The following PTPRN2 variants were observed in gnomAD, a reference collection of about 807,000 sequenced individuals.
PTPRN2 encodes the protein protein tyrosine phosphatase receptor type N2.
Under a neutral mutation model 118.8 loss-of-function variants are expected in PTPRN2, and 74 were observed. The observed-to-expected ratio is 0.62, with a 90% CI of 0.52 to 0.76. The LOEUF (loss-of-function observed/expected upper bound fraction) is 0.76. Among genes scored for constraint, PTPRN2 ranks in the 30% least tolerant of loss-of-function variants. The pLI is 0.00. For missense variants in PTPRN2, 1,481 were observed against 1,394.4 expected, an observed-to-expected ratio of 1.06 and a Z score of -0.99; for synonymous variants, 641 against 608.0, an observed-to-expected ratio of 1.05 and a Z score of -0.80.
chr7:157,827,062 T>G (rs1807222927), intron 12 of PTPRN2, among the ~76,000 whole-genome samples: 1 of 152,170 alleles, frequency 6.6e-6, no homozygotes, highest in Admixed American at 6.5e-5. Flanking sequence ...CTAGGTTCTC[T>G]GGTCCTAACA....
chr7:158,019,511 T>C (rs911568561), intron 11 of PTPRN2, among the ~76,000 whole-genome samples: 3 of 152,148 alleles, frequency 2.0e-5, no homozygotes, highest in Admixed American at 6.5e-5. Context: ...GGCCTCGTGA[T>C]TAACTGTTTT....
chr7:157,568,978 A>T lies in PTPRN2; in HGVS notation c.2838-12T>A, dbSNP rs1422794183. 6.4e-7 allele frequency: 1 copy of T among 1,553,172 alleles called. No homozygotes were observed. The highest frequency in any genetic ancestry group is 8.9e-7 in the Non-Finnish European group (1 of 1,125,304). On this transcript the variant is annotated splice_polypyrimidine_tract_variant and intron_variant, in intron 20 of 22. Transcript: ENST00000389418. ...GGCCTGCACCGTCACTGCCAACAGAAGGAGAGAAATGAAAGTGCTGCCGTC... is the reference window on the plus strand; with the variant it reads ...GGCCTGCACCGTCACTGCCAACAGATGGAGAGAAATGAAAGTGCTGCCGTC...
chr7:158,524,024 G>A (rs1208689246), intron 1 of PTPRN2, among the ~76,000 whole-genome samples: 11 of 56,622 alleles, frequency 1.9e-4, no homozygotes, highest in Admixed American at 6.4e-4. Flanking sequence ...GAGTGGAGTC[G>A]TCTGCCCTGG....
chr7:158,436,764 G>A lies in PTPRN2; in HGVS notation c.163+52971C>T, dbSNP rs1816600444. On this transcript the variant is annotated intron_variant, in intron 2 of 22. Coordinates refer to ENST00000389418, the MANE Select transcript of PTPRN2 (RefSeq NM_002847.5). ...ACTTCTGGTCTCCATGGTTTCTGGTGAAACAATTCATCAATAGAGATTAAT... is the reference window on the plus strand; with the variant it reads ...ACTTCTGGTCTCCATGGTTTCTGGTAAAACAATTCATCAATAGAGATTAAT... 2.0e-5 allele frequency among the ~76,000 whole-genome samples: 3 copies of A among 152,272 alleles called. No homozygotes were observed. The South Asian group carries it at 6.2e-4, about 32-fold the overall frequency.
chr7:157,721,290 T>C (rs1286799860), intron 12 of PTPRN2, among the ~76,000 whole-genome samples: 1 of 152,128 alleles, frequency 6.6e-6, no homozygotes, highest in African/African-American at 2.4e-5. Context: ...ATGTCAGGGG[T>C]GCCTGGTCTG....
chr7:157,607,741 AGTG>A (rs1802090527), intron 15 of PTPRN2, among the ~76,000 whole-genome samples: 1 of 152,188 alleles, frequency 6.6e-6, no homozygotes, highest in Non-Finnish European at 1.5e-5. Flanking sequence ...TCAGCAGACA[AGTG>A]CCAGCTGGAT....
intron 11 of PTPRN2, among the ~76,000 whole-genome samples, chr7:158,006,293 C>T (rs1347292720): frequency 6.6e-6 from 1 of 152,236 alleles, no homozygotes; most frequent in East Asian, 1.9e-4. Context: ...AATGCAAAGA[C>T]TCCATCGATT....
At chr7:158,272,237 T>C (rs1004844908) in intron 3 of PTPRN2, among the ~76,000 whole-genome samples, 1 of 152,142 alleles carries the variant, frequency 6.6e-6, no homozygotes, top group Non-Finnish European at 1.5e-5. Flanking sequence ...CCCCGGGACG[T>C]CTTGTCTTCG....
At chr7:157,755,446 T>G (rs1305987650) in intron 12 of PTPRN2, among the ~76,000 whole-genome samples, 1 of 152,154 alleles carries the variant, frequency 6.6e-6, no homozygotes, top group Non-Finnish European at 1.5e-5. Flanking sequence ...AGGTTCATGT[T>G]TACAGCTGTG....
At position 157,615,526 on chromosome 7, in the gene PTPRN2, A is replaced by G. The variant is rs1802707344; in HGVS notation, c.2344+5836T>C. 2.1e-6 allele frequency: 1 copy of G among 471,224 alleles called. No homozygotes were observed. Among genetic ancestry groups the G allele is most frequent in the Non-Finnish European group, 4.4e-6 (1 of 227,064 alleles). 29.2% of individuals were successfully genotyped at this position (471,224 alleles called of 1,614,324 possible). ...ACCTGGGGACGGCTGGGGTGACCCC[A>G]TCGCAAGGCCGGGCCGTGGAAACAA... On this transcript the variant is annotated intron_variant, in intron 15 of 22. Coordinates refer to ENST00000389418, the MANE Select transcript of PTPRN2 (RefSeq NM_002847.5). The surrounding 1 kb of genome is among the most constrained non-coding windows in gnomAD (Gnocchi z 4.3).
intron 5 of PTPRN2, among the ~76,000 whole-genome samples, chr7:158,184,904 A>G (rs908122341): frequency 2.0e-5 from 3 of 152,230 alleles, no homozygotes; most frequent in African/African-American, 7.2e-5. Context: ...AGTGGAAAGC[A>G]TTCAGCCCTT....
chr7:158,156,751 T>G (rs1821856171), intron 6 of PTPRN2, among the ~76,000 whole-genome samples: 1 of 152,382 alleles, frequency 6.6e-6, no homozygotes, highest in South Asian at 2.1e-4. Context: ...ACACCTGCCC[T>G]GTGCCCTCAG....
At chr7:158,441,081 C>G (rs368868328) in intron 2 of PTPRN2, among the ~76,000 whole-genome samples, 16 of 113,130 alleles carry the variant, frequency 1.4e-4, no homozygotes, top group South Asian at 5.8e-4. Flanking sequence ...GATGGTGGTG[C>G]TGGTGGTAGT....
chr7:157,830,499 C>A lies in PTPRN2; in HGVS notation c.1788+68174G>T, dbSNP rs374174935. ...GCTGTGGCTGGAGGCACACACATCA[C>A]CACGCGGGGAGGGGTTGACCGTGCA... On this transcript the variant is annotated intron_variant, in intron 12 of 22. Transcript: ENST00000389418. 9.0e-4 allele frequency among the ~76,000 whole-genome samples: 137 copies of A among 152,120 alleles called. 5 individuals carry two copies. In the South Asian group the frequency reaches 0.028, roughly 31 times the overall value.
At chr7:157,673,704 G>A (rs907159205) in intron 13 of PTPRN2, among the ~76,000 whole-genome samples, 8 of 150,962 alleles carry the variant, frequency 5.3e-5, no homozygotes, top group Admixed American at 1.3e-4. Flanking sequence ...CTCCTCTCCC[G>A]CCCCACAGAG....
chr7:158,217,191 T>G (rs1828013245), intron 3 of PTPRN2, among the ~76,000 whole-genome samples: 1 of 152,164 alleles, frequency 6.6e-6, no homozygotes, highest in African/African-American at 2.4e-5. Flanking sequence ...TGGGGCAGTT[T>G]AGCTGGTGGC....
rs188611042 is a variant in PTPRN2, at chr7:158,068,027, G to A, written c.1723+13271C>T. On this transcript the variant is annotated intron_variant, in intron 11 of 22. Transcript: ENST00000389418. ...CTTGCAGCTGGGAGATGGCAGGACC[G>A]GGTATGGGGAAAGGAGGGAGGAAGG... 4.5e-4 allele frequency among the ~76,000 whole-genome samples: 69 copies of A among 152,274 alleles called. 2 individuals are homozygous for A. The East Asian group carries it at 0.012, about 26-fold the overall frequency.
chr7:157,882,819 C>G (rs550904002), intron 12 of PTPRN2, among the ~76,000 whole-genome samples: 1 of 133,906 alleles, frequency 7.5e-6, no homozygotes, highest in African/African-American at 2.9e-5. Flanking sequence ...ACACCACCCC[C>G]CAAAATGACT....
intron 3 of PTPRN2, among the ~76,000 whole-genome samples, chr7:158,312,204 GCA>G (rs1554450979): frequency 1.9e-4 from 2 of 10,386 alleles, no homozygotes; most frequent in African/African-American, 2.9e-4. Flanking sequence ...ACACTCACAT[GCA>G]CACACACGTG....
Sources: gnomAD v4.1 joint callset for allele counts (sites outside exome capture counted in the v4.1 genomes callset) on GRCh38, gnomAD v4.1.1 for gene constraint, Gnocchi (gnomAD v3.1) non-coding constraint, MANE v1.5 for transcripts, NCBI Gene and HGNC (gene_info 2026-07-23, HGNC 2026-07-21) for gene names.